CLIC5: variants seen among roughly 807,000 people sequenced by gnomAD.
CLIC5 encodes the protein chloride intracellular channel protein 5.
CLIC5 carries 20 observed loss-of-function variants against 24.7 expected under a neutral mutation model. The ratio of observed to expected loss-of-function variants is 0.81; its 90% CI spans 0.57 to 1.18. The LOEUF (loss-of-function observed/expected upper bound fraction) is 1.18. CLIC5 is among the 50% of genes most tolerant of loss of function. The probability of loss-of-function intolerance (pLI) is 0.00; values close to 1 mark genes in which losing one functional copy is unlikely to be tolerated. For synonymous variants in CLIC5, 159 were observed against 135.6 expected (o/e 1.17, Z -1.20); for missense variants, 341 against 326.1 (o/e 1.05, Z -0.35).
chr6:45,883,046 G>A (rs1415569523), intron 6 of CLIC5, among the ~76,000 whole-genome samples: 2 of 152,206 alleles, frequency 1.3e-5, no homozygotes, highest in East Asian at 3.8e-4. Flanking sequence ...GTGGGATGGA[G>A]ATTCCGAGCT....
At position 46,015,690 on chromosome 6, in the gene CLIC5, C is replaced by G; in HGVS notation, c.-148G>C. ...TTCACAAAACCATCTATTCTCCAGCCCGAGCAGCGGGGTCTGAGAGATCAG... is the reference window on the plus strand; with the variant it reads ...TTCACAAAACCATCTATTCTCCAGCGCGAGCAGCGGGGTCTGAGAGATCAG... On this transcript the variant is annotated 5_prime_UTR_variant, in exon 1 of 6. Coordinates refer to ENST00000339561, the MANE Select transcript of CLIC5 (RefSeq NM_016929.5). 7.8e-7 allele frequency: 1 copy of G among 1,289,044 alleles called. No homozygotes were observed. Among genetic ancestry groups the G allele is most frequent in the Non-Finnish European group, 9.9e-7 (1 of 1,013,748 alleles). The allele number at this position is 1,289,044 out of a possible 1,614,324, so 79.9% of individuals were successfully genotyped here.
chr6:45,953,074 A>T (rs1438980690), intron 2 of CLIC5, among the ~76,000 whole-genome samples: 1 of 152,146 alleles, frequency 6.6e-6, no homozygotes, highest in Non-Finnish European at 1.5e-5. Flanking sequence ...AAACTTCATA[A>T]CTGAGGTATT....
At chr6:45,930,941 G>A (rs2127350394) in intron 4 of CLIC5, among the ~76,000 whole-genome samples, 1 of 152,338 alleles carries the variant, frequency 6.6e-6, no homozygotes, top group South Asian at 2.1e-4. Flanking sequence ...ATTGAGGTCA[G>A]CAAATTACAG....
At chr6:45,964,283 T>G (rs962889057) in intron 1 of CLIC5, among the ~76,000 whole-genome samples, 2 of 152,058 alleles carry the variant, frequency 1.3e-5, no homozygotes, top group Admixed American at 1.3e-4. Flanking sequence ...GGGTTCAAAT[T>G]CCTCCCCTGA....
chr6:45,908,693 A>G (rs114718701), intron 5 of CLIC5, among the ~76,000 whole-genome samples: 410 of 152,208 alleles, frequency 2.7e-3, no homozygotes, highest in African/African-American at 9.1e-3. Context: ...ATGACTGAGC[A>G]TGTGGTTGAT....
chr6:45,955,109 C>G (rs763822767), intron 2 of CLIC5, 26 bp downstream of exon 2: 1 of 1,546,166 alleles, frequency 6.5e-7, no homozygotes, highest in African/African-American at 1.4e-5. Flanking sequence ...GCTAAACATA[C>G]TCCTCATTTA....
In CLIC5 at chr6:46,015,814, C is replaced by A; in HGVS notation, c.-272G>T. On this transcript the variant is annotated 5_prime_UTR_variant, in exon 1 of 6. Coordinates refer to ENST00000339561, the MANE Select transcript of CLIC5 (RefSeq NM_016929.5). The stretch of plus-strand genomic sequence containing the variant: ...GAATGACAACAGGTCGTGGGAGCAA[C>A]AAGTGCCGGGCTGCCCGGAGGTGTC... 1.7e-6 allele frequency: 2 copies of A among 1,180,554 alleles called. No homozygotes were observed. Among genetic ancestry groups the A allele is most frequent in the Admixed American group, 9.1e-5 (2 of 21,966 alleles). 73.1% of individuals were successfully genotyped at this position (1,180,554 alleles called of 1,614,324 possible). A position where few individuals can be genotyped will look rare whatever the true frequency, so the allele number is the denominator to read the frequency against.
chr6:45,973,902 C>T (rs1479327206), intron 1 of CLIC5, among the ~76,000 whole-genome samples: 2 of 150,290 alleles, frequency 1.3e-5, no homozygotes, highest in Non-Finnish European at 2.9e-5. Flanking sequence ...TGCACTCCAG[C>T]CTGGCAACAG....
chr6:45,989,285 G>A (rs142845081), intron 1 of CLIC5, among the ~76,000 whole-genome samples: 117 of 152,236 alleles, frequency 7.7e-4, no homozygotes, highest in African/African-American at 2.7e-3. Context: ...CCCTTTTCCA[G>A]CTTCTCTGAC....
downstream of CLIC5, among the ~76,000 whole-genome samples, chr6:45,894,533 GA>G (rs1167182721): frequency 6.6e-6 from 1 of 152,234 alleles, no homozygotes; most frequent in Non-Finnish European, 1.5e-5. Flanking sequence ...ATGTATGCAT[GA>G]AAAAAATCCC....
At chr6:45,938,923 T>C (rs537719719) in intron 4 of CLIC5, among the ~76,000 whole-genome samples, 2 of 152,270 alleles carry the variant, frequency 1.3e-5, no homozygotes, top group East Asian at 3.9e-4. Context: ...TCTCGTTTGG[T>C]TCTCTGTCCT....
At chr6:45,947,758 C>G (rs1446061808) in intron 3 of CLIC5, among the ~76,000 whole-genome samples, 1 of 152,140 alleles carries the variant, frequency 6.6e-6, no homozygotes, top group Admixed American at 6.5e-5. Flanking sequence ...TCTGGGCTCC[C>G]TCAGGGCAAT....
intron 1 of CLIC5, among the ~76,000 whole-genome samples, chr6:46,073,436 G>T (rs1176142102): frequency 1.3e-5 from 2 of 152,036 alleles, no homozygotes; most frequent in African/African-American, 4.8e-5. Context: ...TTAAATACGT[G>T]GACACATCCA....
chr6:46,017,274 A>T (rs1185666545), upstream of CLIC5, among the ~76,000 whole-genome samples: 1 of 152,182 alleles, frequency 6.6e-6, no homozygotes, highest in Non-Finnish European at 1.5e-5. Context: ...CTTACTAAAA[A>T]CATGTATTTG....
the CLIC5 span, among the ~76,000 whole-genome samples, chr6:46,128,395 C>T: frequency 1.3e-5 from 2 of 152,212 alleles, no homozygotes; most frequent in Non-Finnish European, 2.9e-5. Flanking sequence ...AGGATATGCA[C>T]AATACCCCCA....
downstream of CLIC5, among the ~76,000 whole-genome samples, chr6:45,898,269 C>A (rs187555639): frequency 6.6e-6 from 1 of 151,860 alleles, no homozygotes; most frequent in South Asian, 2.1e-4. Context: ...ATGGTGACAC[C>A]CCCATCTCTA....
chr6:45,927,436 G>A (rs1275951702), intron 4 of CLIC5, among the ~76,000 whole-genome samples: 1 of 152,152 alleles, frequency 6.6e-6, no homozygotes, highest in Non-Finnish European at 1.5e-5. Context: ...CCCAAAATAG[G>A]AAGGATTGTT....
intron 1 of CLIC5, among the ~76,000 whole-genome samples, chr6:46,055,943 G>A (rs113546274): frequency 4.6e-5 from 7 of 152,242 alleles, no homozygotes; most frequent in African/African-American, 1.4e-4. Context: ...AGGTGAATGG[G>A]GAGTGACTGT....
At chr6:46,100,384 A>G in the CLIC5 span, among the ~76,000 whole-genome samples, 1 of 152,218 alleles carries the variant, frequency 6.6e-6, no homozygotes, top group Non-Finnish European at 1.5e-5. Flanking sequence ...AAAGTTATAG[A>G]ATTTGCCCTT....
Sources: allele counts gnomAD v4.1 joint callset (sites outside exome capture counted in the v4.1 genomes callset), GRCh38; gene constraint gnomAD v4.1.1; transcripts MANE v1.5; gene names NCBI Gene and HGNC (gene_info 2026-07-23, HGNC 2026-07-21).